The following SLC24A2 variants were observed in gnomAD, a reference collection of about 807,000 sequenced individuals.
The protein encoded by SLC24A2 is solute carrier family 24 member 2, also known as sodium/potassium/calcium exchanger 2.
In SLC24A2, 36 loss-of-function variants were observed where a neutral mutation model predicts 62.0. That is an observed-to-expected ratio of 0.58 (90% CI 0.44 to 0.77). The LOEUF is 0.77. SLC24A2 is among the 30% of genes least tolerant of loss of function. The pLI, the probability that SLC24A2 is intolerant of heterozygous loss-of-function variation, is 0.00. For missense variants in SLC24A2, 846 were observed against 817.9 expected, an observed-to-expected ratio of 1.03 and a Z score of -0.42; for synonymous variants, 358 against 294.0, an observed-to-expected ratio of 1.22 and a Z score of -2.23.
intron 8 of SLC24A2, among the ~76,000 whole-genome samples, chr9:19,547,215 G>T (rs1048583789): frequency 6.6e-6 from 1 of 152,112 alleles, no homozygotes; most frequent in Non-Finnish European, 1.5e-5. Context: ...ATTTCTGCTT[G>T]GAATAGCACA....
the SLC24A2 span, among the ~76,000 whole-genome samples, chr9:19,978,233 T>C: frequency 7.9e-5 from 12 of 152,212 alleles, no homozygotes; most frequent in Non-Finnish European, 1.6e-4. Context: ...CTGTATAATA[T>C]TATGTTATCA....
chr9:19,796,211 T>C, the SLC24A2 span, among the ~76,000 whole-genome samples: 1 of 151,792 alleles, frequency 6.6e-6, no homozygotes, highest in African/African-American at 2.4e-5. Context: ...ACATGGCACA[T>C]GTATACATAT....
chr9:19,815,391 T>G, the SLC24A2 span, among the ~76,000 whole-genome samples: 2 of 152,170 alleles, frequency 1.3e-5, no homozygotes, highest in Non-Finnish European at 1.5e-5. Context: ...TGGAAAGATT[T>G]TGTGTTCATT....
At chr9:20,181,348 C>A in the SLC24A2 span, among the ~76,000 whole-genome samples, 2 of 151,974 alleles carry the variant, frequency 1.3e-5, no homozygotes, top group African/African-American at 2.4e-5. Flanking sequence ...CCTGCTCTGG[C>A]GGAAACATAA....
intron 7 of SLC24A2, among the ~76,000 whole-genome samples, chr9:19,570,932 C>G (rs189028045): frequency 6.6e-6 from 1 of 152,304 alleles, no homozygotes; most frequent in Admixed American, 6.5e-5. Context: ...CTGAGCCTAG[C>G]AGGGTGGTGC....
At chr9:19,729,648 A>T (rs1005027131) in intron 2 of SLC24A2, among the ~76,000 whole-genome samples, 2 of 152,142 alleles carry the variant, frequency 1.3e-5, no homozygotes, top group Non-Finnish European at 2.9e-5. Context: ...CATATGTAGA[A>T]GCTAAGAAAA....
chr9:19,811,567 A>G, the SLC24A2 span, among the ~76,000 whole-genome samples: 1 of 152,118 alleles, frequency 6.6e-6, no homozygotes, highest in Non-Finnish European at 1.5e-5. Flanking sequence ...TCAGCCTTCC[A>G]AAGTGTTGGG....
chr9:19,833,749 T>C, the SLC24A2 span, among the ~76,000 whole-genome samples: 1 of 152,202 alleles, frequency 6.6e-6, no homozygotes, highest in African/African-American at 2.4e-5. Flanking sequence ...AGCACGCAGC[T>C]TGAGATCTGA....
the SLC24A2 span, among the ~76,000 whole-genome samples, chr9:20,080,699 A>C: frequency 6.6e-6 from 1 of 152,248 alleles, no homozygotes; most frequent in Admixed American, 6.5e-5. Context: ...CAATCTACAG[A>C]ATGGGAGAAA....
chr9:19,806,253 G>A, the SLC24A2 span, among the ~76,000 whole-genome samples: 1 of 152,122 alleles, frequency 6.6e-6, no homozygotes, highest in African/African-American at 2.4e-5. Context: ...ATCAGGCATC[G>A]GGAGCTTAGC....
In SLC24A2 at chr9:19,515,257, A is replaced by T. The variant is rs1278031269; in HGVS notation, c.*896T>A. On this transcript the variant is annotated 3_prime_UTR_variant, in exon 11 of 11. Transcript: ENST00000341998. ...GGACAATATAAGAACAAAACAAAAC[A>T]ACCCAACCCTGGTTACCTCCCCACT... 2.0e-5 allele frequency: 3 copies of T among 152,146 alleles called. No homozygotes were observed. Among genetic ancestry groups the T allele is most frequent in the African/African-American group, 7.2e-5 (3 of 41,442 alleles). 9.4% of individuals were successfully genotyped at this position (152,146 alleles called of 1,614,324 possible). A position where few individuals can be genotyped will look rare whatever the true frequency, so the allele number is the denominator to read the frequency against.
chr9:19,651,737 G>A (rs527575961), intron 2 of SLC24A2, among the ~76,000 whole-genome samples: 18 of 152,160 alleles, frequency 1.2e-4, no homozygotes, highest in Non-Finnish European at 2.4e-4. Context: ...GAGGTTTAGG[G>A]TCAAGCTAAG....
At chr9:20,195,428 C>A in the SLC24A2 span, among the ~76,000 whole-genome samples, 1 of 152,028 alleles carries the variant, frequency 6.6e-6, no homozygotes, top group African/African-American at 2.4e-5. Context: ...TATCTGATTA[C>A]TCATTAGATT....
At chr9:20,299,668 A>AC in the SLC24A2 span, among the ~76,000 whole-genome samples, 2 of 152,112 alleles carry the variant, frequency 1.3e-5, no homozygotes, top group Non-Finnish European at 2.9e-5. Flanking sequence ...CCTATTCCTT[A>AC]CCCCCACTAC....
chr9:20,219,344 C>T, the SLC24A2 span, among the ~76,000 whole-genome samples: 28 of 152,274 alleles, frequency 1.8e-4, no homozygotes, highest in East Asian at 4.4e-3. Flanking sequence ...AGATCTGTTC[C>T]CAATGCCAGT....
the SLC24A2 span, among the ~76,000 whole-genome samples, chr9:20,139,271 A>C: frequency 6.6e-6 from 1 of 152,168 alleles, no homozygotes; most frequent in East Asian, 1.9e-4. Context: ...CCTGTATTAA[A>C]ATCCCAGGGC....
the SLC24A2 span, among the ~76,000 whole-genome samples, chr9:20,185,708 C>T: frequency 9.9e-5 from 15 of 151,818 alleles, no homozygotes; most frequent in East Asian, 2.9e-3. Context: ...CATTACTCAG[C>T]CCCCAACCTC....
intron 7 of SLC24A2, among the ~76,000 whole-genome samples, chr9:19,568,300 A>G (rs1241559668): frequency 6.6e-6 from 1 of 152,182 alleles, no homozygotes; most frequent in African/African-American, 2.4e-5. Flanking sequence ...CATCATCTGC[A>G]GCTTCCTTTT....
upstream of SLC24A2, among the ~76,000 whole-genome samples, chr9:19,792,259 A>C (rs144025111): frequency 3.3e-5 from 5 of 152,304 alleles, no homozygotes; most frequent in South Asian, 6.2e-4. Flanking sequence ...TTTATATTTT[A>C]TAATTTCAGG....
Sources: gnomAD v4.1 joint callset for allele counts (sites outside exome capture counted in the v4.1 genomes callset) on GRCh38, gnomAD v4.1.1 for gene constraint, MANE v1.5 for transcripts, NCBI Gene and HGNC (gene_info 2026-07-23, HGNC 2026-07-21) for gene names.